MYO15B: variants seen among roughly 807,000 people sequenced by gnomAD.
MYO15B encodes myosin XVB pseudogene.
Under a neutral mutation model 119.3 loss-of-function variants are expected in MYO15B, and 207 were observed. The ratio of observed to expected loss-of-function variants is 1.73; its 90% CI spans 1.55 to 1.95. The LOEUF (loss-of-function observed/expected upper bound fraction) is 1.95. Ranked by LOEUF, MYO15B falls within the 30% of genes most tolerant of loss-of-function variation. The pLI, the probability that MYO15B is intolerant of heterozygous loss-of-function variation, is 0.00. For synonymous variants in MYO15B, 966 were observed against 498.9 expected, an observed-to-expected ratio of 1.94 and a Z score of -12.48; for missense variants, 2,264 against 1,203.1, an observed-to-expected ratio of 1.88 and a Z score of -13.04.
chr17:75,623,011 TG>T lies in MYO15B; in HGVS notation c.8083-768del, dbSNP rs1265111786. ...CCGCTCAGAGGTCAGGGAGTTAAGG[TG>T]GAGCCAGCAGAGATGAGTAAGAGAT... On this transcript the variant is annotated intron_variant, in intron 53 of 63. Coordinates refer to ENST00000645453, the Ensembl canonical transcript of MYO15B. Among the ~76,000 whole-genome samples the T allele has an allele frequency of 2.9e-4, 44 of 151,894 alleles. 1 individual carries two copies. The highest frequency in any genetic ancestry group is 2.9e-3 in the Admixed American group (44 of 15,266).
At chr17:75,608,812 C>A (rs1040065052) in intron 21 of MYO15B, among the ~76,000 whole-genome samples, 1 of 152,092 alleles carries the variant, frequency 6.6e-6, no homozygotes, top group Non-Finnish European at 1.5e-5. Flanking sequence ...CAGCTCAATA[C>A]AACCTCCGCC....
chr17:75,626,453 C>T, exon 64 of MYO15B: 1 of 703,284 alleles, frequency 1.4e-6, no homozygotes, highest in East Asian at 2.7e-5. Flanking sequence ...GACAGCAGTG[C>T]CTCTTGCACT....
chr17:75,600,957 G>A (rs2057243987), intron 14 of MYO15B, among the ~76,000 whole-genome samples: 1 of 142,280 alleles, frequency 7.0e-6, no homozygotes, highest in Non-Finnish European at 1.5e-5. Context: ...AGGCTGTAGT[G>A]CAATGGTGCC....
intron 9 of MYO15B, among the ~76,000 whole-genome samples, chr17:75,593,609 G>A (rs1362500326): frequency 1.8e-4 from 26 of 144,006 alleles, no homozygotes; most frequent in African/African-American, 1.4e-4. Context: ...GCGAGACTCC[G>A]TCTCAGAAAA....
At chr17:75,595,560 C>T (rs1234273232) in intron 12 of MYO15B, among the ~76,000 whole-genome samples, 2 of 152,258 alleles carry the variant, frequency 1.3e-5, no homozygotes, top group Non-Finnish European at 2.9e-5. Flanking sequence ...CAGGACCTAC[C>T]TTGTGAGTTT....
At chr17:75,625,275 C>G (rs1483356171) in intron 60 of MYO15B, 37 bp downstream of exon 60, 3 of 675,006 alleles carry the variant, frequency 4.4e-6, no homozygotes, top group Non-Finnish European at 8.1e-6. Flanking sequence ...AGCCCCTCCC[C>G]TTCTCTAAGG....
intron 41 of MYO15B, 187 bp from the exon 42 acceptor site, chr17:75,617,623 C>T (rs576084437): frequency 9.5e-5 from 56 of 589,098 alleles, no homozygotes; most frequent in African/African-American, 6.2e-4. Context: ...GCCTCACGGA[C>T]GCCAGGGAAA....
exon 27 of MYO15B, chr17:75,612,985 C>T: frequency 1.4e-6 from 1 of 691,542 alleles, no homozygotes; most frequent in South Asian, 1.5e-5. Flanking sequence ...TGCTGCGGCT[C>T]CTGGGGGACG....
exon 25 of MYO15B, chr17:75,611,985 C>T (rs1259727069): frequency 2.8e-6 from 2 of 702,894 alleles, no homozygotes; most frequent in East Asian, 2.7e-5. Flanking sequence ...GACCTGTTCC[C>T]TTTCTCCAGC....
rs2058063802 is a variant in MYO15B at position 75,612,085 on chromosome 17, C to T, written c.4635+69C>T. The T allele has an allele frequency of 4.4e-6, 3 of 679,040 alleles. No individual in the cohort carries two copies. The Admixed American group carries it at 6.2e-5, about 14-fold the overall frequency. 42.1% of individuals were successfully genotyped at this position (679,040 alleles called of 1,614,324 possible). A position where few individuals can be genotyped will look rare whatever the true frequency, so the allele number is the denominator to read the frequency against. ...TGAGTTAGCACCTGCCTGACAGATGCTGCGTTTTTTTCCCCGCTGTCAGCT... is the reference window on the plus strand; with the variant it reads ...TGAGTTAGCACCTGCCTGACAGATGTTGCGTTTTTTTCCCCGCTGTCAGCT... On this transcript the variant is annotated intron_variant, in intron 25 of 63. Transcript: ENST00000645453.
At chr17:75,599,479 G>A (rs970553718) in intron 14 of MYO15B, among the ~76,000 whole-genome samples, 8 of 151,758 alleles carry the variant, frequency 5.3e-5, no homozygotes, top group African/African-American at 1.9e-4. Context: ...AGTAGAGACG[G>A]GGTTTCACCA....
chr17:75,611,712 T>C, intron 24 of MYO15B, 54 bp downstream of exon 24: 1 of 702,330 alleles, frequency 1.4e-6, no homozygotes. Context: ...CCCTTTACTG[T>C]GGGGTGTGTC....
In MYO15B at chr17:75,625,547, TG is replaced by T; in HGVS notation, c.8826del (p.Pro2943GlnfsTer8). 1 of 703,050 alleles carries T rather than the reference TG, an allele frequency of 1.4e-6. No individual in the cohort carries two copies. The highest frequency in any genetic ancestry group is 2.6e-6 in the Non-Finnish European group (1 of 384,986). The allele number at this position is 703,050 out of a possible 1,614,324, so 43.6% of individuals were successfully genotyped here. On this transcript the variant is annotated frameshift_variant, in exon 61 of 64. Transcript: ENST00000645453. LOFTEE classifies it high-confidence loss of function. The stretch of plus-strand genomic sequence containing the variant: ...CCTAGGCAGGACCTGCTAGCTTACG[TG>T]CCAAAGCAGCTGCAACGGCAGGTGA...
chr17:75,604,494 TCCCTCCCTCCCACGC>T (rs1313938238), intron 19 of MYO15B, among the ~76,000 whole-genome samples: 119 of 52,672 alleles, frequency 2.3e-3, no homozygotes, highest in South Asian at 7.8e-3. Context: ...CCCTTCCACG[TCCCTCCCTCCCACGC>T]CCCTCCCTCC....
exon 1 of MYO15B, chr17:75,588,603 C>G: frequency 2.5e-6 from 1 of 399,600 alleles, no homozygotes; most frequent in Non-Finnish European, 4.4e-6. Context: ...AGCTGCGGCC[C>G]ACGCCGGAGC....
At chr17:75,617,922 G>A (rs550909004) in exon 42 of MYO15B, 2 of 702,796 alleles carry the variant, frequency 2.8e-6, no homozygotes, top group African/African-American at 1.7e-5. Flanking sequence ...TACGCAAGGA[G>A]GTGGGCATGA....
intron 19 of MYO15B, among the ~76,000 whole-genome samples, chr17:75,603,623 G>A (rs1349639799): frequency 6.6e-6 from 1 of 151,692 alleles, no homozygotes; most frequent in Non-Finnish European, 1.5e-5. Context: ...GGGGCTCACG[G>A]TCTAGTGCCC....
chr17:75,615,442 G>A (rs1239556710), intron 34 of MYO15B, 61 bp from the exon 35 acceptor site: 6 of 674,122 alleles, frequency 8.9e-6, no homozygotes, highest in Admixed American at 4.1e-5. Context: ...GTGCACAGTG[G>A]GCAGCGAGCT....
At chr17:75,602,930 T>C (rs1447864054) in exon 17 of MYO15B, 4 of 691,612 alleles carry the variant, frequency 5.8e-6, no homozygotes, top group Non-Finnish European at 1.1e-5. Context: ...GAGGACCTCA[T>C]AGCCCGGCTG....
Sources: gnomAD v4.1 joint callset for allele counts (sites outside exome capture counted in the v4.1 genomes callset) on GRCh38, gnomAD v4.1.1 for gene constraint, MANE v1.5 for transcripts, NCBI Gene and HGNC (gene_info 2026-07-23, HGNC 2026-07-21) for gene names.